Variants in CACNA1B observed in about 807,000 individuals in gnomAD.
CACNA1B encodes the protein voltage-dependent N-type calcium channel subunit alpha-1B.
A neutral mutation model predicts 247.2 loss-of-function variants in CACNA1B; 70 were observed. That is an observed-to-expected ratio of 0.28 (90% CI 0.23 to 0.35). The LOEUF (loss-of-function observed/expected upper bound fraction) is 0.35. Ranked by LOEUF, CACNA1B falls within the 10% of genes least tolerant of loss-of-function variation. The probability of loss-of-function intolerance (pLI) is 1.00; values close to 1 mark genes in which losing one functional copy is unlikely to be tolerated. For missense variants in CACNA1B, 2,367 were observed against 3,197.4 expected, an observed-to-expected ratio of 0.74 and a Z score of 6.26; for synonymous variants, 1,231 against 1,294.4, an observed-to-expected ratio of 0.95 and a Z score of 1.05.
chr9:138,016,609 CCCTCGCCT>C (rs1958795317), intron 18 of CACNA1B, among the ~76,000 whole-genome samples: 1 of 152,182 alleles, frequency 6.6e-6, no homozygotes, highest in South Asian at 2.1e-4. Flanking sequence ...GGAAAGGGCA[CCCTCGCCT>C]CCTTTGTTAG....
intron 3 of CACNA1B, among the ~76,000 whole-genome samples, chr9:137,893,368 A>G (rs1957131664): frequency 6.6e-6 from 1 of 150,742 alleles, no homozygotes; most frequent in Non-Finnish European, 1.5e-5. Context: ...AAAAAAAAAA[A>G]CACTGGGTGC....
rs1958847961 is a variant in CACNA1B, at chr9:138,021,767, T to C, written c.2268-1244T>C. 2.0e-5 allele frequency among the ~76,000 whole-genome samples: 3 copies of C among 152,202 alleles called. No homozygotes were observed. In the South Asian group the frequency reaches 6.2e-4, roughly 31 times the overall value. On this transcript the variant is annotated intron_variant, in intron 18 of 46. Transcript: ENST00000371372. ...AATGGGGACAAGAGTAGCACCTGAT[T>C]CTTGAGGTGGTTGTAAGGACTGGAT...
rs1041811261 is a variant in CACNA1B at position 138,051,816 on chromosome 9, G to T, written c.3711-276G>T. Reference sequence around the variant, plus strand: ...TAATCCTGGAATCTGGGGTGGGAGGGGTGTCAGGGGTGATGGTTCTTCTCC... The same window carrying T: ...TAATCCTGGAATCTGGGGTGGGAGGTGTGTCAGGGGTGATGGTTCTTCTCC... On this transcript the variant is annotated intron_variant, in intron 24 of 46. Transcript: ENST00000371372. This position sits in a 1 kb window ranked among gnomAD's most constrained non-coding sequence, Gnocchi z 4.3. Among the ~76,000 whole-genome samples the T allele has an allele frequency of 1.3e-5, 2 of 152,148 alleles. No homozygotes were observed. The highest frequency in any genetic ancestry group is 1.3e-4 in the Admixed American group (2 of 15,282).
intron 6 of CACNA1B, among the ~76,000 whole-genome samples, chr9:137,926,133 A>G (rs1157198074): frequency 7.4e-6 from 1 of 134,976 alleles, no homozygotes; most frequent in African/African-American, 2.8e-5. Flanking sequence ...TAGTGGCACT[A>G]TCTTGGCTCA....
In CACNA1B at chr9:138,022,537, C is replaced by T. The variant is rs561122046; in HGVS notation, c.2268-474C>T. 2.5e-3 allele frequency among the ~76,000 whole-genome samples: 379 copies of T among 152,226 alleles called. 2 individuals carry two copies. Among genetic ancestry groups the T allele is most frequent in the South Asian group, 5.8e-3 (28 of 4,824 alleles). ...CCTCTGGAGAAGGGGCCGCGTGTCC[C>T]GCCCTTCCTGTAGCAGCTGTGCTGG... On this transcript the variant is annotated intron_variant, in intron 18 of 46. Transcript: ENST00000371372.
chr9:137,935,839 A>C (rs184451854), intron 6 of CACNA1B, among the ~76,000 whole-genome samples: 1 of 151,516 alleles, frequency 6.6e-6, no homozygotes, highest in East Asian at 2.0e-4. Flanking sequence ...CAGTGGCATG[A>C]TCTCGGCTCA....
chr9:138,089,560 T>C (rs1960811355), intron 36 of CACNA1B, among the ~76,000 whole-genome samples: 1 of 152,054 alleles, frequency 6.6e-6, no homozygotes. Flanking sequence ...GCCAACATCA[T>C]ACTGAATGGG....
At chr9:137,879,686 C>T (rs1315089613) in intron 2 of CACNA1B, among the ~76,000 whole-genome samples, 1 of 152,182 alleles carries the variant, frequency 6.6e-6, no homozygotes, top group African/African-American at 2.4e-5. Context: ...ATCATTTTTA[C>T]CTGTCCCCAG....
chr9:137,897,023 G>T (rs1957181034), intron 3 of CACNA1B, among the ~76,000 whole-genome samples: 1 of 151,958 alleles, frequency 6.6e-6, no homozygotes, highest in Non-Finnish European at 1.5e-5. Context: ...TGTGTGTGTG[G>T]GGCTTTTTCT....
rs376719388 is a variant in CACNA1B, at chr9:137,883,785, C to T, written c.530+902C>T. 7.4e-3 allele frequency among the ~76,000 whole-genome samples: 1,133 copies of T among 152,260 alleles called. 14 individuals are homozygous for T. The highest frequency in any genetic ancestry group is 0.026 in the African/African-American group (1,085 of 41,538). ...TGCTCTTTCCTGAGCCTTATGGTTCCGAGGCTCAGAGCCCAGATGGAAGAG... is the reference window on the plus strand; with the variant it reads ...TGCTCTTTCCTGAGCCTTATGGTTCTGAGGCTCAGAGCCCAGATGGAAGAG... On this transcript the variant is annotated intron_variant, in intron 3 of 46. Coordinates refer to ENST00000371372, the MANE Select transcript of CACNA1B (RefSeq NM_000718.4).
chr9:138,017,666 A>C (rs1958810242), intron 18 of CACNA1B, among the ~76,000 whole-genome samples: 1 of 152,190 alleles, frequency 6.6e-6, no homozygotes, highest in Admixed American at 6.5e-5. Flanking sequence ...ATTCTCAGGA[A>C]GTCCTTGTTC....
chr9:138,092,966 C>T (rs1416912524), intron 36 of CACNA1B, among the ~76,000 whole-genome samples: 1 of 152,108 alleles, frequency 6.6e-6, no homozygotes, highest in Non-Finnish European at 1.5e-5. Flanking sequence ...ATTCATCTGA[C>T]AAGTGATTAA....
chr9:137,956,763 C>G lies in CACNA1B; in HGVS notation c.1187-8C>G, dbSNP rs181095015. 6.8e-6 allele frequency: 11 copies of G among 1,613,358 alleles called. No individual in the cohort carries two copies. Among genetic ancestry groups the G allele is most frequent in the Non-Finnish European group, 9.3e-6 (11 of 1,179,590 alleles). On this transcript the variant is annotated splice_region_variant and splice_polypyrimidine_tract_variant and intron_variant, in intron 8 of 46. Coordinates refer to ENST00000371372, the MANE Select transcript of CACNA1B (RefSeq NM_000718.4). ...GGGCTCTGACCTGAGGCTGTGTTCC[C>G]CTCGCAGAGGAAGTCATGCTGGCCG...
Position 138,069,728 on chromosome 9 carries a change from A to C in CACNA1B, c.4669-30A>C, listed in dbSNP as rs1239713030. The C allele has an allele frequency of 3.8e-6, 6 of 1,586,804 alleles. No individual in the cohort carries two copies. In the Admixed American group the frequency reaches 5.0e-5, roughly 13 times the overall value. ...CTCCCCAATTTGTAAATAATATGCA[A>C]ATATCCATCCATGAAAACATCACAT... On this transcript the variant is annotated intron_variant, in intron 31 of 46. Transcript: ENST00000371372.
At chr9:137,879,215 T>C in intron 2 of CACNA1B, 56 bp downstream of exon 2, 1 of 1,113,156 alleles carries the variant, frequency 9.0e-7, no homozygotes, top group South Asian at 1.3e-5. Flanking sequence ...GACTCCACTT[T>C]CCTTTATGGT....
chr9:138,117,632 C>CT (rs1961919303), intron 42 of CACNA1B, among the ~76,000 whole-genome samples: 1 of 152,226 alleles, frequency 6.6e-6, no homozygotes, highest in Admixed American at 6.5e-5. Flanking sequence ...GGACCCAGGC[C>CT]CCCCTCAGAC....
At chr9:138,071,633 C>G (rs1162420019) in intron 32 of CACNA1B, among the ~76,000 whole-genome samples, 5 of 152,146 alleles carry the variant, frequency 3.3e-5, no homozygotes, top group Non-Finnish European at 7.4e-5. Flanking sequence ...TGGGTCTCCA[C>G]AAAAACAGAA....
Position 138,052,143 on chromosome 9 carries a change from T to C in CACNA1B, c.3762T>C (p.Arg1254=). The change falls in exon 25 of 47, where the codon CGT becomes CGC. Residue 1254 remains arginine, a synonymous_variant. Transcript: ENST00000371372. The surrounding 1 kb of genome is among the most constrained non-coding windows in gnomAD (Gnocchi z 5.1). The part of the protein sequence containing the change: ...INTIKSLRVL[R]VLRPLKTIKR... ...CCATCAAGTCTCTGAGAGTCCTTCG[T>C]GTCCTGCGGCCCCTCAAGACCATCA... is the stretch of plus-strand genomic sequence containing the variant. The C allele has an allele frequency of 6.2e-7, 1 of 1,612,948 alleles. No homozygotes were observed. Among genetic ancestry groups the C allele is most frequent in the Non-Finnish European group, 8.5e-7 (1 of 1,179,288 alleles).
intron 31 of CACNA1B, among the ~76,000 whole-genome samples, chr9:138,064,398 C>T (rs1959841525): frequency 6.6e-6 from 1 of 152,200 alleles, no homozygotes; most frequent in Non-Finnish European, 1.5e-5. Flanking sequence ...GCTGTGGACC[C>T]TGGATCTGAA....
Sources: gnomAD v4.1 joint callset for allele counts (sites outside exome capture counted in the v4.1 genomes callset) on GRCh38, gnomAD v4.1.1 for gene constraint, Gnocchi (gnomAD v3.1) non-coding constraint, MANE v1.5 for transcripts, NCBI Gene and HGNC (gene_info 2026-07-23, HGNC 2026-07-21) for gene names.